Variants in HSD17B12 observed in about 807,000 individuals in gnomAD.
HSD17B12 encodes hydroxysteroid 17-beta dehydrogenase 12.
In HSD17B12, 32 loss-of-function variants were observed where a neutral mutation model predicts 39.3. That is an observed-to-expected ratio of 0.81 (90% CI 0.61 to 1.09). The LOEUF (loss-of-function observed/expected upper bound fraction) is 1.09, where lower values mean the gene tolerates loss of function less well. Ranked by LOEUF, HSD17B12 falls within the 50% of genes least tolerant of loss-of-function variation. The probability of loss-of-function intolerance (pLI) is 0.00; values close to 1 mark genes in which losing one functional copy is unlikely to be tolerated. For missense variants in HSD17B12, 342 were observed against 382.9 expected (o/e 0.89, Z 0.89); for synonymous variants, 150 against 146.7 (o/e 1.02, Z -0.16).
the HSD17B12 span, among the ~76,000 whole-genome samples, chr11:43,614,808 TC>T: frequency 2.0e-5 from 3 of 152,226 alleles, no homozygotes; most frequent in East Asian, 3.9e-4. Flanking sequence ...AATTTTTATT[TC>T]ATCCTGTTTA....
the HSD17B12 span, among the ~76,000 whole-genome samples, chr11:43,630,338 C>T: frequency 6.6e-6 from 1 of 152,178 alleles, no homozygotes; most frequent in Admixed American, 6.5e-5. Flanking sequence ...GTAGCTTTGA[C>T]AACCTGTGTT....
At chr11:43,719,312 A>C (rs1339062880) in intron 1 of HSD17B12, among the ~76,000 whole-genome samples, 3 of 152,002 alleles carry the variant, frequency 2.0e-5, no homozygotes, top group Non-Finnish European at 4.4e-5. Context: ...TCACCCTGCC[A>C]CTCCACCATG....
the HSD17B12 span, among the ~76,000 whole-genome samples, chr11:43,622,825 G>T: frequency 6.6e-6 from 1 of 151,914 alleles, no homozygotes; most frequent in African/African-American, 2.4e-5. Context: ...TTTTTTGTGT[G>T]GGGGATTATA....
intron 1 of HSD17B12, among the ~76,000 whole-genome samples, chr11:43,687,201 C>T (rs893162877): frequency 1.3e-5 from 2 of 152,146 alleles, no homozygotes; most frequent in Non-Finnish European, 2.9e-5. Flanking sequence ...AGCAAAACAA[C>T]ATGTAGCAAT....
At chr11:43,698,753 T>C (rs1949935861) in intron 1 of HSD17B12, among the ~76,000 whole-genome samples, 1 of 152,218 alleles carries the variant, frequency 6.6e-6, no homozygotes, top group Admixed American at 6.5e-5. Context: ...GCACTGGGCC[T>C]TTTCCCCTCT....
At chr11:43,587,620 G>C in the HSD17B12 span, among the ~76,000 whole-genome samples, 1 of 152,242 alleles carries the variant, frequency 6.6e-6, no homozygotes, top group East Asian at 1.9e-4. Flanking sequence ...GTAACTGAGA[G>C]GCAAGGCAGA....
the HSD17B12 span, among the ~76,000 whole-genome samples, chr11:43,638,061 G>C: frequency 6.6e-6 from 1 of 152,134 alleles, no homozygotes; most frequent in Admixed American, 6.5e-5. Context: ...TCTGGGAGGG[G>C]GAGGGAAAGC....
At chr11:43,808,153 T>C (rs1294013493) in intron 4 of HSD17B12, among the ~76,000 whole-genome samples, 37 of 152,124 alleles carry the variant, frequency 2.4e-4, no homozygotes, top group Admixed American at 2.4e-3. Flanking sequence ...AAGAGGGTGG[T>C]GAGAAAGCCA....
At chr11:43,792,820 A>T (rs1206520609) in intron 3 of HSD17B12, among the ~76,000 whole-genome samples, 2 of 146,776 alleles carry the variant, frequency 1.4e-5, no homozygotes, top group Non-Finnish European at 3.0e-5. Flanking sequence ...ACCACACCCC[A>T]CTCTAGCTTA....
the HSD17B12 span, among the ~76,000 whole-genome samples, chr11:43,599,957 G>T: frequency 6.6e-6 from 1 of 152,146 alleles, no homozygotes; most frequent in Non-Finnish European, 1.5e-5. Context: ...AAGGGATTAT[G>T]AAATACCTGA....
chr11:43,800,373 AAT>A (rs2135049128), intron 4 of HSD17B12, among the ~76,000 whole-genome samples: 2 of 152,334 alleles, frequency 1.3e-5, no homozygotes, highest in African/African-American at 4.8e-5. Flanking sequence ...TACTTTCAGA[AAT>A]AGTTAAATTC....
At chr11:43,658,465 CA>C in the HSD17B12 span, among the ~76,000 whole-genome samples, 1 of 152,192 alleles carries the variant, frequency 6.6e-6, no homozygotes, top group Admixed American at 6.5e-5. Context: ...GGAGGAGAGG[CA>C]CTCTGATTTT....
chr11:43,709,577 A>G (rs1950046485), intron 1 of HSD17B12, among the ~76,000 whole-genome samples: 3 of 152,232 alleles, frequency 2.0e-5, no homozygotes, highest in South Asian at 4.1e-4. Context: ...AGTTTTTGAC[A>G]CATTAGGCAA....
At chr11:43,755,736 G>A (rs1276346327) in intron 3 of HSD17B12, among the ~76,000 whole-genome samples, 1 of 152,084 alleles carries the variant, frequency 6.6e-6, no homozygotes, top group East Asian at 1.9e-4. Context: ...TACTTATGAG[G>A]TATATTTTGT....
intron 9 of HSD17B12, 94 bp downstream of exon 9, chr11:43,840,158 C>A: frequency 1.0e-6 from 1 of 957,678 alleles, no homozygotes; most frequent in South Asian, 1.5e-5. Context: ...AAATCATATT[C>A]CTAAGTAAGT....
the HSD17B12 span, among the ~76,000 whole-genome samples, chr11:43,654,492 T>A: frequency 4.3e-4 from 66 of 152,112 alleles, no homozygotes; most frequent in Non-Finnish European, 7.1e-4. Flanking sequence ...CTGAATGGTA[T>A]TGCCTAGGTT....
At chr11:43,666,668 C>T in the HSD17B12 span, among the ~76,000 whole-genome samples, 4 of 152,276 alleles carry the variant, frequency 2.6e-5, no homozygotes, top group Admixed American at 2.6e-4. Flanking sequence ...GACTCATTAA[C>T]ATTCTCATAA....
chr11:43,597,969 G>T, the HSD17B12 span, among the ~76,000 whole-genome samples: 1 of 152,040 alleles, frequency 6.6e-6, no homozygotes, highest in Non-Finnish European at 1.5e-5. Flanking sequence ...CACTTCAAGG[G>T]GAGTCAAGAG....
intron 7 of HSD17B12, chr11:43,833,626 G>A (rs1951336513): frequency 6.6e-6 from 1 of 152,110 alleles, no homozygotes; most frequent in African/African-American, 2.4e-5. Flanking sequence ...TATTATAAGT[G>A]GTTTCATTAT....
Sources: gnomAD v4.1 joint callset for allele counts (sites outside exome capture counted in the v4.1 genomes callset) on GRCh38, gnomAD v4.1.1 for gene constraint, MANE v1.5 for transcripts, NCBI Gene and HGNC (gene_info 2026-07-23, HGNC 2026-07-21) for gene names.